The following EHD4 variants were observed in gnomAD, a reference collection of about 807,000 sequenced individuals.
EHD4 encodes the protein EH domain-containing protein 4.
A neutral mutation model predicts 51.0 loss-of-function variants in EHD4; 37 were observed. The ratio of observed to expected loss-of-function variants is 0.73; its 90% confidence interval spans 0.56 to 0.95. The LOEUF (loss-of-function observed/expected upper bound fraction) is 0.95. Among genes scored for constraint, EHD4 ranks in the 40% least tolerant of loss-of-function variants. The probability of loss-of-function intolerance (pLI) is 0.00; values close to 1 mark genes in which losing one functional copy is unlikely to be tolerated. For synonymous variants in EHD4, 297 were observed against 317.3 expected, an observed-to-expected ratio of 0.94 and a Z score of 0.68; for missense variants, 632 against 733.1, an observed-to-expected ratio of 0.86 and a Z score of 1.59.
At chr15:41,905,760 T>G (rs2067508405) in intron 5 of EHD4, among the ~76,000 whole-genome samples, 1 of 152,188 alleles carries the variant, frequency 6.6e-6, no homozygotes, top group South Asian at 2.1e-4. Context: ...AGCCTCGACC[T>G]CCGGGCTTAA....
At chr15:41,959,101 G>A (rs1334629839) in intron 1 of EHD4, among the ~76,000 whole-genome samples, 1 of 152,192 alleles carries the variant, frequency 6.6e-6, no homozygotes, top group Non-Finnish European at 1.5e-5. Flanking sequence ...CTAAAGAAAT[G>A]GTTTGTGTGG....
At chr15:41,914,715 T>C (rs145405236) in intron 4 of EHD4, among the ~76,000 whole-genome samples, 1 of 152,140 alleles carries the variant, frequency 6.6e-6, no homozygotes, top group East Asian at 1.9e-4. Context: ...ATCCATTATA[T>C]CATGATTCTC....
intron 1 of EHD4, among the ~76,000 whole-genome samples, chr15:41,957,245 G>A (rs778425686): frequency 7.2e-5 from 11 of 152,144 alleles, no homozygotes; most frequent in Non-Finnish European, 1.6e-4. Context: ...TGGGATGGTC[G>A]CTTGAGCCCA....
rs1023274080 is a variant in EHD4, at chr15:41,895,970, T to C, written c.*4675A>G. The C allele has an allele frequency of 2.6e-5, 4 of 152,206 alleles. No homozygotes were observed. The highest frequency in any genetic ancestry group is 5.9e-5 in the Non-Finnish European group (4 of 68,032). The allele number at this position is 152,206 out of a possible 1,614,324, so 9.4% of individuals were successfully genotyped here. A position where few individuals can be genotyped will look rare whatever the true frequency, so the allele number is the denominator to read the frequency against. ...TATATTTTTATTATTTATTTATTTATATTTAATTCTTTTTTAGAGACAGGG... is the reference window on the plus strand; with the variant it reads ...TATATTTTTATTATTTATTTATTTACATTTAATTCTTTTTTAGAGACAGGG... On this transcript the variant is annotated 3_prime_UTR_variant, in exon 6 of 6. Coordinates refer to ENST00000220325, the MANE Select transcript of EHD4 (RefSeq NM_139265.4).
intron 1 of EHD4, among the ~76,000 whole-genome samples, chr15:41,959,159 G>A (rs982186690): frequency 9.2e-5 from 14 of 152,132 alleles, no homozygotes; most frequent in Non-Finnish European, 1.6e-4. Context: ...TTGGGAGGCC[G>A]AGGTGGGCGG....
At chr15:41,902,848 T>C (rs2067487164) in intron 5 of EHD4, among the ~76,000 whole-genome samples, 1 of 148,714 alleles carries the variant, frequency 6.7e-6, no homozygotes, top group Non-Finnish European at 1.5e-5. Flanking sequence ...TGTATATATA[T>C]ATGTTAGGGA....
At chr15:41,910,891 G>A (rs137906044) in intron 4 of EHD4, among the ~76,000 whole-genome samples, 132 of 152,298 alleles carry the variant, frequency 8.7e-4, no homozygotes, top group African/African-American at 2.9e-3. Context: ...TTGAACTTCA[G>A]AGTAATTGTG....
At chr15:41,934,708 C>T (rs2067720906) in intron 3 of EHD4, among the ~76,000 whole-genome samples, 1 of 152,144 alleles carries the variant, frequency 6.6e-6, no homozygotes, top group African/African-American at 2.4e-5. Context: ...GCCGTGTGGA[C>T]TCCAGAGCAG....
At chr15:41,921,125 C>T (rs184697685) in intron 3 of EHD4, among the ~76,000 whole-genome samples, 2 of 152,282 alleles carry the variant, frequency 1.3e-5, no homozygotes, top group African/African-American at 2.4e-5. Flanking sequence ...CAGTTGGTAA[C>T]GCTGAAGCCC....
intron 3 of EHD4, among the ~76,000 whole-genome samples, chr15:41,932,682 C>T (rs1199656237): frequency 1.3e-5 from 2 of 152,168 alleles, no homozygotes; most frequent in Non-Finnish European, 2.9e-5. Context: ...CACCCGGGAA[C>T]ACTGCTCCCG....
Position 41,901,184 on chromosome 15 carries a change from G to T in EHD4, c.1090-3C>A. 6.5e-7 allele frequency: 1 copy of T among 1,538,152 alleles called. No homozygotes were observed. Among genetic ancestry groups the T allele is most frequent in the East Asian group, 2.3e-5 (1 of 44,240 alleles). ...AAGTCATAGTTCTCAAGCTGTTCCT[G>T]CAGAAGGACAAACCACAGGATGGGT... On this transcript the variant is annotated splice_polypyrimidine_tract_variant and splice_region_variant and intron_variant, in intron 5 of 5. Coordinates refer to ENST00000220325, the MANE Select transcript of EHD4 (RefSeq NM_139265.4).
At position 41,972,271 on chromosome 15, in the gene EHD4, GT is replaced by G; in HGVS notation, c.223del (p.Thr75ProfsTer15). 1 of 1,574,588 alleles carries G rather than the reference GT, an allele frequency of 6.4e-7. No homozygotes were observed. The highest frequency in any genetic ancestry group is 8.6e-7 in the Non-Finnish European group (1 of 1,162,374). ...LLVGQYSTGK[T>X]TFIRYLLEQD... ...GCGGTGACGGTACCTGATGAAGGTG[GT>G]CTTGCCGGTGCTGTACTGGCCCACC... is the stretch of plus-strand genomic sequence containing the variant. On this transcript the variant is annotated frameshift_variant, in exon 1 of 6. Transcript: ENST00000220325. LOFTEE classifies it high-confidence loss of function.
At position 41,934,661 on chromosome 15, in the gene EHD4, G is replaced by C. The variant is rs151073000; in HGVS notation, c.511+8406C>G. 3.4e-4 allele frequency among the ~76,000 whole-genome samples: 51 copies of C among 152,228 alleles called. 1 individual carries two copies. Among genetic ancestry groups the C allele is most frequent in the African/African-American group, 1.1e-3 (46 of 41,532 alleles). ...CAGGTGATAACTGTCTGTGGACCCTGGGGCTCACCGTGCTAGTCTTCCGAG... is the reference window on the plus strand; with the variant it reads ...CAGGTGATAACTGTCTGTGGACCCTCGGGCTCACCGTGCTAGTCTTCCGAG... On this transcript the variant is annotated intron_variant, in intron 3 of 5. Transcript: ENST00000220325.
At chr15:41,945,777 G>C (rs1405290770) in intron 2 of EHD4, among the ~76,000 whole-genome samples, 1 of 152,242 alleles carries the variant, frequency 6.6e-6, no homozygotes, top group Non-Finnish European at 1.5e-5. Flanking sequence ...CTGAGAAAGG[G>C]AGGCGCACGG....
chr15:41,919,078 G>T, intron 4 of EHD4, 132 bp downstream of exon 4: 4 of 1,219,250 alleles, frequency 3.3e-6, no homozygotes, highest in South Asian at 1.4e-5. Flanking sequence ...CCTCGAGGCT[G>T]TATTCTTAAC....
intron 2 of EHD4, among the ~76,000 whole-genome samples, chr15:41,946,445 G>A (rs1199645225): frequency 6.6e-6 from 1 of 152,154 alleles, no homozygotes; most frequent in East Asian, 1.9e-4. Flanking sequence ...AAAGGAGAGA[G>A]CAAAGCCAGG....
intron 3 of EHD4, among the ~76,000 whole-genome samples, chr15:41,930,717 C>A (rs1020045260): frequency 1.3e-5 from 2 of 152,176 alleles, no homozygotes; most frequent in African/African-American, 4.8e-5. Flanking sequence ...ATCAGCTAAC[C>A]AGCTCCTCAA....
At chr15:41,943,303 C>T (rs1322425155) in intron 2 of EHD4, 139 bp from the exon 3 acceptor site, 1 of 616,392 alleles carries the variant, frequency 1.6e-6, no homozygotes, top group Non-Finnish European at 2.8e-6. Flanking sequence ...CTGAGGATGC[C>T]TAATGAAGTT....
intron 3 of EHD4, among the ~76,000 whole-genome samples, chr15:41,925,831 A>C (rs1399852291): frequency 6.6e-6 from 1 of 152,196 alleles, no homozygotes; most frequent in East Asian, 1.9e-4. Context: ...CTACCCAATC[A>C]AGGGCTTCCC....
Sources: gnomAD v4.1 joint callset for allele counts (sites outside exome capture counted in the v4.1 genomes callset) on GRCh38, gnomAD v4.1.1 for gene constraint, MANE v1.5 for transcripts, NCBI Gene and HGNC (gene_info 2026-07-23, HGNC 2026-07-21) for gene names.